Variants in SLC24A2 observed in about 807,000 individuals in gnomAD.
SLC24A2 encodes sodium/potassium/calcium exchanger 2.
A neutral mutation model predicts 62.0 loss-of-function variants in SLC24A2; 36 were observed. The ratio of observed to expected loss-of-function variants is 0.58; its 90% CI spans 0.44 to 0.77. SLC24A2 has a LOEUF of 0.77. Among genes scored for constraint, SLC24A2 ranks in the 30% least tolerant of loss-of-function variants. The probability of loss-of-function intolerance (pLI) is 0.00; values close to 1 mark genes in which losing one functional copy is unlikely to be tolerated. For missense variants in SLC24A2, 846 were observed against 817.9 expected, an observed-to-expected ratio of 1.03 and a Z score of -0.42; for synonymous variants, 358 against 294.0, an observed-to-expected ratio of 1.22 and a Z score of -2.23.
At chr9:20,116,410 G>C in the SLC24A2 span, among the ~76,000 whole-genome samples, 5 of 152,108 alleles carry the variant, frequency 3.3e-5, no homozygotes, top group African/African-American at 1.2e-4. Flanking sequence ...TTCTGATAGA[G>C]GGTGCCCAGA....
intron 2 of SLC24A2, among the ~76,000 whole-genome samples, chr9:19,671,361 C>G (rs1819410022): frequency 6.6e-6 from 1 of 151,708 alleles, no homozygotes; most frequent in Non-Finnish European, 1.5e-5. Context: ...AGCTTGGTCA[C>G]TGTTGGTGTA....
At chr9:20,024,786 T>C in the SLC24A2 span, among the ~76,000 whole-genome samples, 1 of 152,150 alleles carries the variant, frequency 6.6e-6, no homozygotes, top group African/African-American at 2.4e-5. Context: ...TTCAAGGCCA[T>C]AGAAGAGGAC....
intron 2 of SLC24A2, among the ~76,000 whole-genome samples, chr9:19,679,577 C>G (rs916772288): frequency 6.6e-6 from 1 of 151,996 alleles, no homozygotes; most frequent in African/African-American, 2.4e-5. Flanking sequence ...CCACCAATGT[C>G]GGGGGGCATT....
At chr9:19,561,033 C>G (rs940342397) in intron 7 of SLC24A2, among the ~76,000 whole-genome samples, 3 of 151,764 alleles carry the variant, frequency 2.0e-5, no homozygotes, top group African/African-American at 7.3e-5. Context: ...TTGAGGAATT[C>G]TCTTTCCTCA....
At chr9:20,202,697 G>C in the SLC24A2 span, among the ~76,000 whole-genome samples, 1 of 150,836 alleles carries the variant, frequency 6.6e-6, no homozygotes, top group African/African-American at 2.4e-5. Flanking sequence ...TGGAAGAAGA[G>C]GGGAGAAAGG....
the SLC24A2 span, among the ~76,000 whole-genome samples, chr9:20,274,088 G>C: frequency 6.6e-6 from 1 of 152,178 alleles, no homozygotes; most frequent in African/African-American, 2.4e-5. Context: ...ACACTGTTCT[G>C]AGCACTGAGG....
At chr9:19,881,882 C>G in the SLC24A2 span, among the ~76,000 whole-genome samples, 2 of 152,104 alleles carry the variant, frequency 1.3e-5, no homozygotes, top group Non-Finnish European at 1.5e-5. Context: ...TATATTTGTC[C>G]CATCCCCTGC....
At chr9:19,805,540 C>T in the SLC24A2 span, among the ~76,000 whole-genome samples, 1 of 152,106 alleles carries the variant, frequency 6.6e-6, no homozygotes, top group Non-Finnish European at 1.5e-5. Flanking sequence ...AGGGCAAGTA[C>T]GTTGTCAATG....
chr9:19,981,472 G>C, the SLC24A2 span, among the ~76,000 whole-genome samples: 1 of 151,960 alleles, frequency 6.6e-6, no homozygotes, highest in Non-Finnish European at 1.5e-5. Context: ...GTTGGTATGT[G>C]GAATATTTGC....
the SLC24A2 span, among the ~76,000 whole-genome samples, chr9:20,097,134 T>C: frequency 1.2e-4 from 19 of 152,162 alleles, no homozygotes; most frequent in African/African-American, 3.9e-4. Flanking sequence ...TACTTGGGGA[T>C]TACAGCTATG....
At chr9:19,742,841 G>A (rs1587254394) in intron 2 of SLC24A2, among the ~76,000 whole-genome samples, 1 of 152,040 alleles carries the variant, frequency 6.6e-6, no homozygotes, top group Non-Finnish European at 1.5e-5. Flanking sequence ...ACTCTAATGG[G>A]CCACAAACAT....
chr9:20,131,024 G>T, the SLC24A2 span, among the ~76,000 whole-genome samples: 1 of 151,246 alleles, frequency 6.6e-6, no homozygotes, highest in Non-Finnish European at 1.5e-5. Context: ...AAATAATGAA[G>T]AACAATAGCC....
chr9:19,690,497 T>A (rs549519245), intron 2 of SLC24A2, among the ~76,000 whole-genome samples: 26 of 152,104 alleles, frequency 1.7e-4, no homozygotes, highest in Non-Finnish European at 3.2e-4. Flanking sequence ...GCTGATGAGA[T>A]GTAAGCTAAG....
chr9:20,049,158 C>T, the SLC24A2 span, among the ~76,000 whole-genome samples: 54 of 152,208 alleles, frequency 3.5e-4, 1 homozygote, highest in African/African-American at 1.3e-3. Context: ...TTAAGATGGG[C>T]AGCAAACTCT....
chr9:20,080,737 G>A, the SLC24A2 span, among the ~76,000 whole-genome samples: 2 of 151,894 alleles, frequency 1.3e-5, no homozygotes, highest in African/African-American at 2.4e-5. Flanking sequence ...ATCTGACAAA[G>A]GGCTAATATC....
At chr9:19,644,216 G>C (rs1818579893) in intron 2 of SLC24A2, among the ~76,000 whole-genome samples, 1 of 152,180 alleles carries the variant, frequency 6.6e-6, no homozygotes, top group African/African-American at 2.4e-5. Context: ...GGTGATGCTA[G>C]AATTGCTGAT....
chr9:19,589,858 T>G (rs780088796), intron 5 of SLC24A2, among the ~76,000 whole-genome samples: 20 of 152,170 alleles, frequency 1.3e-4, no homozygotes, highest in Non-Finnish European at 1.5e-5. Flanking sequence ...ATCTTGAGCA[T>G]TGCAAAAGAA....
the SLC24A2 span, among the ~76,000 whole-genome samples, chr9:20,300,920 TCATCATCGTGACA>T: frequency 6.6e-6 from 1 of 152,196 alleles, no homozygotes; most frequent in Admixed American, 6.5e-5. Flanking sequence ...AACCCTTTTG[TCATCATCGTGACA>T]CATTAAGGCA....
chr9:19,702,327 C>T (rs1038557267), intron 2 of SLC24A2, among the ~76,000 whole-genome samples: 1 of 152,166 alleles, frequency 6.6e-6, no homozygotes, highest in African/African-American at 2.4e-5. Flanking sequence ...AATCTATTCA[C>T]AAACCTTCTC....
Sources: gnomAD v4.1 joint callset for allele counts (sites outside exome capture counted in the v4.1 genomes callset) on GRCh38, gnomAD v4.1.1 for gene constraint, MANE v1.5 for transcripts, NCBI Gene and HGNC (gene_info 2026-07-23, HGNC 2026-07-21) for gene names.